The following ZNF804B variants were observed in gnomAD, a reference collection of about 807,000 sequenced individuals.
ZNF804B encodes zinc finger 804B.
A neutral mutation model predicts 101.4 loss-of-function variants in ZNF804B; 80 were observed. The observed-to-expected ratio is 0.79, with a 90% CI of 0.66 to 0.95. ZNF804B has a LOEUF of 0.95. Among genes scored for constraint, ZNF804B ranks in the 40% least tolerant of loss-of-function variants. ZNF804B has a pLI of 0.00. For missense variants in ZNF804B, 1,673 were observed against 1,561.9 expected (o/e 1.07, Z -1.20); for synonymous variants, 622 against 558.8 (o/e 1.11, Z -1.59).
At chr7:88,900,202 G>A (rs1792368177) in intron 1 of ZNF804B, among the ~76,000 whole-genome samples, 1 of 152,012 alleles carries the variant, frequency 6.6e-6, no homozygotes, top group African/African-American at 2.4e-5. Context: ...ACAGCAATAA[G>A]ATTGTGAATG....
intron 2 of ZNF804B, among the ~76,000 whole-genome samples, chr7:89,294,584 A>G (rs891017935): frequency 5.3e-5 from 8 of 151,952 alleles, no homozygotes; most frequent in South Asian, 2.1e-4. Context: ...ATGCTTCTCT[A>G]TACCTGCTGG....
At chr7:89,197,336 C>G (rs1314136643) in intron 1 of ZNF804B, among the ~76,000 whole-genome samples, 1 of 151,866 alleles carries the variant, frequency 6.6e-6, no homozygotes, top group African/African-American at 2.4e-5. Context: ...TTTCCAGGGA[C>G]AATATGCGTT....
chr7:88,881,354 AGT>A (rs1258745449), intron 1 of ZNF804B, among the ~76,000 whole-genome samples: 1 of 152,140 alleles, frequency 6.6e-6, no homozygotes, highest in Non-Finnish European at 1.5e-5. Flanking sequence ...CCATGAGAAC[AGT>A]GTTTCTGCAA....
chr7:89,021,498 G>A (rs888708923), intron 1 of ZNF804B, among the ~76,000 whole-genome samples: 2 of 152,186 alleles, frequency 1.3e-5, no homozygotes, highest in African/African-American at 2.4e-5. Context: ...GGCCACTCCT[G>A]CCAACCTGAT....
chr7:89,321,178 AC>A (rs1202214551), intron 2 of ZNF804B, among the ~76,000 whole-genome samples: 1 of 152,150 alleles, frequency 6.6e-6, no homozygotes, highest in Admixed American at 6.5e-5. Flanking sequence ...TTTAACATAA[AC>A]TGTAATAAAT....
chr7:89,028,482 C>T (rs549523297), intron 1 of ZNF804B, among the ~76,000 whole-genome samples: 1 of 152,116 alleles, frequency 6.6e-6, no homozygotes, highest in Non-Finnish European at 1.5e-5. Flanking sequence ...TAAAATATAC[C>T]GTGTGGGTGG....
Position 88,890,703 on chromosome 7 carries a change from C to T in ZNF804B, c.108+130619C>T, listed in dbSNP as rs557473975. 2.0e-5 allele frequency among the ~76,000 whole-genome samples: 3 copies of T among 152,180 alleles called. No homozygotes were observed. In the South Asian group the frequency reaches 6.2e-4, roughly 32 times the overall value. On this transcript the variant is annotated intron_variant, in intron 1 of 3. Transcript: ENST00000333190. ...TGACATTTTGCTTAAAAATGTTTTG[C>T]TGAGTTATTGGTGGATACATATAAC...
At chr7:89,250,743 A>G (rs1323067848) in intron 2 of ZNF804B, among the ~76,000 whole-genome samples, 1 of 152,252 alleles carries the variant, frequency 6.6e-6, no homozygotes, top group Non-Finnish European at 1.5e-5. Flanking sequence ...TTAATTCAGC[A>G]TGATCAAATA....
intron 1 of ZNF804B, among the ~76,000 whole-genome samples, chr7:88,927,531 A>G (rs1792824130): frequency 6.6e-6 from 1 of 152,090 alleles, no homozygotes; most frequent in Non-Finnish European, 1.5e-5. Flanking sequence ...TACTCATCTT[A>G]TAAGCAGCCT....
chr7:89,032,808 T>A (rs1788858982), intron 1 of ZNF804B, among the ~76,000 whole-genome samples: 1 of 152,034 alleles, frequency 6.6e-6, no homozygotes, highest in Non-Finnish European at 1.5e-5. Context: ...TTTTTAAAAA[T>A]TTTAATTATA....
intron 1 of ZNF804B, among the ~76,000 whole-genome samples, chr7:88,970,437 A>T (rs1030816765): frequency 7.3e-5 from 11 of 151,010 alleles, no homozygotes; most frequent in Non-Finnish European, 1.5e-4. Context: ...AAAACTTTAT[A>T]TTCCAAACAT....
At chr7:89,102,242 AT>A (rs1187514077) in intron 1 of ZNF804B, among the ~76,000 whole-genome samples, 1 of 152,014 alleles carries the variant, frequency 6.6e-6, no homozygotes, top group Non-Finnish European at 1.5e-5. Context: ...TCTTTGAGAT[AT>A]TTCCAAACTG....
chr7:89,312,510 T>C (rs576569268), intron 2 of ZNF804B, among the ~76,000 whole-genome samples: 1 of 152,340 alleles, frequency 6.6e-6, no homozygotes, highest in South Asian at 2.1e-4. Flanking sequence ...TTTAGCTTGC[T>C]TGTGGCACAA....
At position 89,337,194 on chromosome 7, in the gene ZNF804B, A is replaced by G; in HGVS notation, c.*162A>G. The G allele has an allele frequency of 2.5e-6, 2 of 787,144 alleles. No individual in the cohort carries two copies. The highest frequency in any genetic ancestry group is 2.6e-5 in the South Asian group (1 of 38,818). The allele number at this position is 787,144 out of a possible 1,614,324, so 48.8% of individuals were successfully genotyped here. A position where few individuals can be genotyped will look rare whatever the true frequency, so the allele number is the denominator to read the frequency against. ...TCTGAATTGCTAATACTAAAACAAGAGCATTTTAATAATTTTTTAGCTTGC... is the reference window on the plus strand; with the variant it reads ...TCTGAATTGCTAATACTAAAACAAGGGCATTTTAATAATTTTTTAGCTTGC... On this transcript the variant is annotated 3_prime_UTR_variant, in exon 4 of 4. Coordinates refer to ENST00000333190, the MANE Select transcript of ZNF804B (RefSeq NM_181646.5).
At chr7:89,193,549 G>C (rs1244418487) in intron 1 of ZNF804B, among the ~76,000 whole-genome samples, 1 of 145,746 alleles carries the variant, frequency 6.9e-6, no homozygotes, top group Non-Finnish European at 1.5e-5. Flanking sequence ...ACCTATGAGT[G>C]ATAACATGTT....
intron 1 of ZNF804B, among the ~76,000 whole-genome samples, chr7:89,019,571 T>A (rs7802350): frequency 0.51 from 78,156 of 151,846 alleles, 21,001 homozygotes; most frequent in Middle Eastern, 0.63. Flanking sequence ...TTCTGAAAGT[T>A]GTGGGTGGGT....
At chr7:89,319,077 T>C (rs1376032105) in intron 2 of ZNF804B, among the ~76,000 whole-genome samples, 5 of 152,166 alleles carry the variant, frequency 3.3e-5, no homozygotes, top group African/African-American at 1.2e-4. Context: ...TGCCTTTAAG[T>C]GGTTTTCCGC....
intron 1 of ZNF804B, among the ~76,000 whole-genome samples, chr7:89,113,287 G>T (rs558924725): frequency 6.6e-6 from 1 of 152,120 alleles, no homozygotes; most frequent in Non-Finnish European, 1.5e-5. Context: ...TGGGATCATC[G>T]TACAACGGGC....
chr7:88,887,089 A>G (rs918480569), intron 1 of ZNF804B, among the ~76,000 whole-genome samples: 13 of 152,302 alleles, frequency 8.5e-5, no homozygotes, highest in African/African-American at 3.1e-4. Context: ...TACTATAAAA[A>G]GTCAAAAAAT....
Sources: allele counts gnomAD v4.1 joint callset (sites outside exome capture counted in the v4.1 genomes callset), GRCh38; gene constraint gnomAD v4.1.1; transcripts MANE v1.5; gene names NCBI Gene and HGNC (gene_info 2026-07-23, HGNC 2026-07-21).